The following LPIN2 variants were observed in gnomAD, a reference collection of about 807,000 sequenced individuals.
LPIN2 encodes phosphatidate phosphatase LPIN2.
Under a neutral mutation model 111.4 loss-of-function variants are expected in LPIN2, and 55 were observed. That is an observed-to-expected ratio of 0.49 (90% CI 0.40 to 0.62). The LOEUF is 0.62. Among genes scored for constraint, LPIN2 ranks in the 20% least tolerant of loss-of-function variants. LPIN2 has a pLI of 0.00. For missense variants in LPIN2, 992 were observed against 1,112.1 expected (o/e 0.89, Z 1.54); for synonymous variants, 425 against 414.0 (o/e 1.03, Z -0.32).
At chr18:2,982,463 G>A (rs1384777295) in intron 1 of LPIN2, among the ~76,000 whole-genome samples, 1 of 152,084 alleles carries the variant, frequency 6.6e-6, no homozygotes, top group Admixed American at 6.5e-5. Flanking sequence ...CAGAAAGATG[G>A]CATAGTAAAT....
intron 11 of LPIN2, 134 bp from the exon 12 acceptor site, chr18:2,927,945 A>T (rs1039991167): frequency 2.6e-6 from 2 of 780,148 alleles, no homozygotes; most frequent in African/African-American, 3.4e-5. Context: ...CACCTCCCAG[A>T]TTCCTCTAGC....
chr18:2,931,350 G>A lies in LPIN2; in HGVS notation c.1362C>T (p.Ser454=), dbSNP rs371484024. Residue 454 remains serine, a synonymous_variant, in exon 9 of 20, where the codon AGC becomes AGT. Coordinates refer to ENST00000677752, the MANE Select transcript of LPIN2 (RefSeq NM_001375808.2). ...CAGAATCTGAGAGGCACTCGGTGCC[G>A]CTATCTGCAGCTGCGCTTCCCACGG... ...PQSVGSAAAD[S]GTECLSDSAM... is the part of the protein sequence containing the mutation. 27 of 1,613,718 alleles carry A rather than the reference G, an allele frequency of 1.7e-5. No homozygotes were observed. The highest frequency in any genetic ancestry group is 6.7e-5 in the East Asian group (3 of 44,890).
intron 1 of LPIN2, among the ~76,000 whole-genome samples, chr18:2,978,106 G>C (rs1483694957): frequency 2.0e-5 from 3 of 152,076 alleles, no homozygotes; most frequent in Non-Finnish European, 4.4e-5. Flanking sequence ...AGAACTGCTT[G>C]AAGTCAGGAG....
intron 1 of LPIN2, among the ~76,000 whole-genome samples, chr18:2,999,714 G>T (rs2078402126): frequency 6.6e-6 from 1 of 152,072 alleles, no homozygotes; most frequent in African/African-American, 2.4e-5. Context: ...GCAAGCCAAG[G>T]AACGCCAAAG....
rs139798681 is a variant in LPIN2, at chr18:2,937,953, T to G, written c.907A>C (p.Ser303Arg). The change falls in exon 7 of 20, where the codon AGT becomes CGT. Residue 303 changes from serine to arginine, a missense_variant. Physicochemically the swap from Ser to Arg is moderately radical, Grantham distance 110 (BLOSUM62 -1). Transcript: ENST00000677752. The stretch of plus-strand genomic sequence containing the variant: ...ACTTCACTGATGAGGTTGTCCTCAC[T>G]GGGAATTACCCGAAAATGAGTATTT... ...SENTHFRVIPSEDNLISEVEK... is the reference protein window; with the variant it reads ...SENTHFRVIPREDNLISEVEK... 1.1e-5 allele frequency: 18 copies of G among 1,614,062 alleles called. No homozygotes were observed. The highest frequency in any genetic ancestry group is 1.5e-5 in the Non-Finnish European group (18 of 1,180,036).
intron 1 of LPIN2, among the ~76,000 whole-genome samples, chr18:3,008,107 A>T (rs974970261): frequency 6.6e-6 from 1 of 152,354 alleles, no homozygotes; most frequent in Middle Eastern, 3.4e-3. Flanking sequence ...TATAATTATG[A>T]TTCCTTTTAT....
intron 1 of LPIN2, among the ~76,000 whole-genome samples, chr18:2,999,078 C>G (rs1039339322): frequency 2.6e-5 from 4 of 152,210 alleles, no homozygotes; most frequent in Non-Finnish European, 4.4e-5. Flanking sequence ...ATTGCTCTAA[C>G]TAGACATCCT....
At position 2,937,778 on chromosome 18, in the gene LPIN2, G is replaced by C; in HGVS notation, c.1082C>G (p.Ala361Gly). The change falls in exon 7 of 20, where the codon GCT becomes GGT. Residue 361 changes from alanine to glycine, a missense_variant. Ala to Gly is a moderately conservative substitution (Grantham distance 60, BLOSUM62 0). Transcript: ENST00000677752. ...TAAGGCTGCGTTGGGAAGGTGGTCA[G>C]CATCTAACATAGATGAAATCTGAGT... ...ESTQISSMLD[A>G]DHLPNAALAE... 6.2e-7 allele frequency: 1 copy of C among 1,614,098 alleles called. No individual in the cohort carries two copies. Among genetic ancestry groups the C allele is most frequent in the African/African-American group, 1.3e-5 (1 of 75,008 alleles).
intron 1 of LPIN2, among the ~76,000 whole-genome samples, chr18:2,981,310 A>G (rs895544235): frequency 1.3e-5 from 2 of 152,242 alleles, no homozygotes; most frequent in African/African-American, 2.4e-5. Flanking sequence ...TACTAAGCAG[A>G]TATCAGATCC....
chr18:2,953,458 A>G (rs1203985730), intron 3 of LPIN2, among the ~76,000 whole-genome samples: 1 of 152,122 alleles, frequency 6.6e-6, no homozygotes, highest in African/African-American at 2.4e-5. Context: ...CAAACAAGGT[A>G]TTACAAAGAT....
At chr18:2,932,578 AC>A in intron 8 of LPIN2, among the ~76,000 whole-genome samples, 2 of 152,362 alleles carry the variant, frequency 1.3e-5, no homozygotes, top group South Asian at 4.1e-4. Context: ...CTGTTGTTAT[AC>A]TGGGAGTGAG....
At chr18:3,012,365 A>T (rs1168807080) in intron 1 of LPIN2, among the ~76,000 whole-genome samples, 1 of 152,240 alleles carries the variant, frequency 6.6e-6, no homozygotes, top group East Asian at 1.9e-4. Context: ...ATTTTCAATG[A>T]AAAGAGTCTT....
rs549258076 is a variant in LPIN2 at position 2,941,820 on chromosome 18, G to C, written c.591-1108C>G. ...GGCACCTGTAATCCCAGCTACTTGG[G>C]AGGCTAAGGCAGAGAACTGCTTGAA... On this transcript the variant is annotated intron_variant, in intron 4 of 19. Coordinates refer to ENST00000677752, the MANE Select transcript of LPIN2 (RefSeq NM_001375808.2). Among the ~76,000 whole-genome samples the C allele has an allele frequency of 3.3e-5, 5 of 152,292 alleles. No individual in the cohort carries two copies. The East Asian group carries it at 9.6e-4, about 29-fold the overall frequency.
chr18:2,990,751 A>G (rs2078253365), intron 1 of LPIN2: 2 of 346,014 alleles, frequency 5.8e-6, no homozygotes, highest in Non-Finnish European at 1.2e-5. Flanking sequence ...TTACTATTAG[A>G]AATGGATGGA....
At chr18:2,994,486 A>T (rs1785278) in intron 1 of LPIN2, among the ~76,000 whole-genome samples, 139,287 of 152,126 alleles carry the variant, frequency 0.92, 64,583 homozygotes, top group East Asian at 1. Flanking sequence ...CTTTAAAAAA[A>T]TTTTTTAATG....
chr18:2,936,629 G>A (rs566847032), intron 7 of LPIN2, among the ~76,000 whole-genome samples: 1 of 152,282 alleles, frequency 6.6e-6, no homozygotes, highest in East Asian at 1.9e-4. Context: ...CACCCAGGCT[G>A]GAATGGAGTG....
At chr18:2,945,189 A>G (rs1251214093) in intron 4 of LPIN2, among the ~76,000 whole-genome samples, 1 of 152,246 alleles carries the variant, frequency 6.6e-6, no homozygotes, top group Admixed American at 6.5e-5. Context: ...TAGCTTTACT[A>G]ATTATGGAAT....
chr18:2,992,939 T>C (rs1296803711), intron 1 of LPIN2, among the ~76,000 whole-genome samples: 4 of 132,260 alleles, frequency 3.0e-5, no homozygotes, highest in African/African-American at 1.2e-4. Context: ...TGAGCTGAGA[T>C]AGCACCACTG....
intron 9 of LPIN2, among the ~76,000 whole-genome samples, 164 bp downstream of exon 9, chr18:2,931,092 C>A (rs552117828): frequency 6.6e-6 from 1 of 152,136 alleles, no homozygotes; most frequent in African/African-American, 2.4e-5. Flanking sequence ...TCAATTAAGA[C>A]CTTAAGTGAG....
Sources: gnomAD v4.1 joint callset for allele counts (sites outside exome capture counted in the v4.1 genomes callset) on GRCh38, gnomAD v4.1.1 for gene constraint, MANE v1.5 for transcripts, NCBI Gene and HGNC (gene_info 2026-07-23, HGNC 2026-07-21) for gene names.